The following CCL26 variants were observed in gnomAD, a reference collection of about 807,000 sequenced individuals.
CCL26 encodes the protein C-C motif chemokine 26.
Under a neutral mutation model 10.7 loss-of-function variants are expected in CCL26, and 10 were observed. The observed-to-expected ratio is 0.93, with a 90% CI of 0.57 to 1.58. The LOEUF (loss-of-function observed/expected upper bound fraction) is 1.58. Among genes scored for constraint, CCL26 ranks in the 40% most tolerant of loss-of-function variants. The probability of loss-of-function intolerance (pLI) is 0.00; values close to 1 mark genes in which losing one functional copy is unlikely to be tolerated. For missense variants in CCL26, 116 were observed against 111.0 expected, an observed-to-expected ratio of 1.05 and a Z score of -0.20; for synonymous variants, 43 against 41.4, an observed-to-expected ratio of 1.04 and a Z score of -0.15.
intron 1 of CCL26, among the ~76,000 whole-genome samples, chr7:75,785,251 C>T (rs1395945871): frequency 1.3e-5 from 2 of 152,134 alleles, no homozygotes; most frequent in African/African-American, 4.8e-5. Context: ...CCCTGACACC[C>T]ATCAGTCCCC....
chr7:75,778,717 C>T (rs1354958804), intron 1 of CCL26, among the ~76,000 whole-genome samples: 1 of 151,070 alleles, frequency 6.6e-6, no homozygotes, highest in East Asian at 1.9e-4. Context: ...ACCTCTGCTT[C>T]CCAGGCTCAA....
chr7:75,778,569 T>A lies in CCL26; in HGVS notation c.-78-6315A>T, dbSNP rs547025237. Among the ~76,000 whole-genome samples the A allele has an allele frequency of 3.2e-4, 46 of 143,344 alleles. 1 individual carries two copies. The East Asian group carries it at 3.3e-3, about 10-fold the overall frequency. The allele number at this position is 143,344 out of a possible 152,430, so 94.0% of individuals were successfully genotyped here. On this transcript the variant is annotated intron_variant, in intron 1 of 3. Coordinates refer to the CCL26 transcript ENST00000394905. ...TAGTGATGTTGAGCATTTTTTTTTT[T>A]AATGTACCTGGTGGTCATTCGTATG...
In CCL26 at chr7:75,769,694, C is replaced by A; in HGVS notation, c.284G>T (p.Ter95LeuextTer3). ...TCCTCGGATGAAAATTCAGCTGAGT[C>A]ACAATTGTTTCGGAGTTTTCAGTAA... is the stretch of plus-strand genomic sequence containing the variant. ...ISLLKTPKQL* is the reference protein window; with the variant it reads ...ISLLKTPKQLL Residue 95 changes from the stop codon to leucine, a stop_lost, in exon 3 of 3, where the codon TGA (stop) becomes TTA (leucine). Transcript: ENST00000005180. The A allele has an allele frequency of 6.2e-7, 1 of 1,602,032 alleles. No homozygotes were observed. Among genetic ancestry groups the A allele is most frequent in the South Asian group, 1.1e-5 (1 of 90,864 alleles).
chr7:75,790,218 T>TCTTTCTTTCTTCCTTCCTTCCTTC, upstream of CCL26, among the ~76,000 whole-genome samples: 1 of 66,858 alleles, frequency 1.5e-5, no homozygotes, highest in South Asian at 7.0e-4. Context: ...TTTCTTTCTT[T>TCTTTCTTTCTTCCTTCCTTCCTTC]CTTCCTTCCT....
chr7:75,777,244 AC>A (rs1387705744), intron 1 of CCL26, among the ~76,000 whole-genome samples: 3 of 152,150 alleles, frequency 2.0e-5, no homozygotes, highest in Admixed American at 6.6e-5. Flanking sequence ...AAAAACAAAA[AC>A]AAAAACGTGT....
intron 1 of CCL26, among the ~76,000 whole-genome samples, chr7:75,785,547 G>A (rs1368354158): frequency 6.6e-6 from 1 of 152,066 alleles, no homozygotes; most frequent in Non-Finnish European, 1.5e-5. Flanking sequence ...AAACACACGT[G>A]CTCTCCCTGT....
At chr7:75,781,233 A>G (rs1554529416) in intron 1 of CCL26, among the ~76,000 whole-genome samples, 1 of 152,258 alleles carries the variant, frequency 6.6e-6, no homozygotes, top group Admixed American at 6.5e-5. Flanking sequence ...ACAGGACTTA[A>G]TTAACCTTGC....
upstream of CCL26, among the ~76,000 whole-genome samples, chr7:75,776,462 G>A (rs149397550): frequency 0.01 from 1,561 of 150,790 alleles, 28 homozygotes; most frequent in African/African-American, 0.035. Context: ...GATCGCTTGA[G>A]GCCAGGAGGT....
chr7:75,769,881 T>C (rs1802784905), intron 2 of CCL26, 92 bp from the exon 3 acceptor site: 2 of 762,624 alleles, frequency 2.6e-6, no homozygotes, highest in Non-Finnish European at 4.6e-6. Flanking sequence ...CTCTCACTAG[T>C]CTTCTGGCCT....
upstream of CCL26, among the ~76,000 whole-genome samples, chr7:75,772,529 C>G (rs1170953179): frequency 6.6e-6 from 1 of 151,706 alleles, no homozygotes; most frequent in East Asian, 1.9e-4. Flanking sequence ...TGGTGGCAGG[C>G]AACTGTAATC....
chr7:75,789,359 C>T lies in CCL26; in HGVS notation c.-79+358G>A, dbSNP rs1015028415. On this transcript the variant is annotated intron_variant, in intron 1 of 3. Transcript: ENST00000394905. Reference sequence around the variant, plus strand: ...CAGTTAAGGAAATGTAATATGGGAGCCATGGCCTCCCTACGTTCTCTCCCT... The same window carrying T: ...CAGTTAAGGAAATGTAATATGGGAGTCATGGCCTCCCTACGTTCTCTCCCT... Among the ~76,000 whole-genome samples the T allele has an allele frequency of 3.3e-5, 5 of 152,006 alleles. No individual in the cohort carries two copies. In the East Asian group the frequency reaches 9.6e-4, roughly 29 times the overall value.
intron 1 of CCL26, among the ~76,000 whole-genome samples, chr7:75,780,924 C>T (rs1199852594): frequency 1.3e-5 from 2 of 152,194 alleles, no homozygotes; most frequent in Non-Finnish European, 2.9e-5. Flanking sequence ...TAGCCCTCCC[C>T]CACCTGCCCA....
At chr7:75,780,193 G>A (rs1420997527) in intron 1 of CCL26, among the ~76,000 whole-genome samples, 8 of 150,434 alleles carry the variant, frequency 5.3e-5, no homozygotes, top group Admixed American at 5.3e-4. Flanking sequence ...CTTTCCTGGG[G>A]GGCAAGCACC....
At chr7:75,785,175 A>G (rs1455257255) in intron 1 of CCL26, among the ~76,000 whole-genome samples, 1 of 152,028 alleles carries the variant, frequency 6.6e-6, no homozygotes. Context: ...TTGATCTTAA[A>G]GATGCTTTTT....
intron 1 of CCL26, among the ~76,000 whole-genome samples, chr7:75,783,415 C>T (rs945606471): frequency 2.0e-5 from 3 of 152,094 alleles, no homozygotes; most frequent in Admixed American, 2.0e-4. Flanking sequence ...AGGCTGATTC[C>T]CCAGGTATAG....
intron 2 of CCL26, among the ~76,000 whole-genome samples, chr7:75,770,354 G>A (rs1554527954): frequency 6.6e-6 from 1 of 152,064 alleles, no homozygotes; most frequent in Non-Finnish European, 1.5e-5. Context: ...ACAGGTGTGA[G>A]CCACCACGCC....
At chr7:75,776,909 A>G (rs1209851237), upstream of CCL26, among the ~76,000 whole-genome samples, 2 of 152,104 alleles carry the variant, frequency 1.3e-5, no homozygotes, top group Middle Eastern at 3.2e-3. Context: ...TAATCGAGCA[A>G]TTCCACTCCT....
upstream of CCL26, chr7:75,772,337 A>C: frequency 1.6e-6 from 1 of 616,698 alleles, no homozygotes; most frequent in Non-Finnish European, 2.9e-6. Flanking sequence ...ACTAATACTC[A>C]TAGGAATGAA....
At chr7:75,776,527 AG>A (rs1802943918), upstream of CCL26, among the ~76,000 whole-genome samples, 1 of 45,820 alleles carries the variant, frequency 2.2e-5, no homozygotes, top group African/African-American at 6.8e-5. Flanking sequence ...GAAGGAAGGA[AG>A]GAAGGAAGGA....
Sources: allele counts gnomAD v4.1 joint callset (sites outside exome capture counted in the v4.1 genomes callset), GRCh38; gene constraint gnomAD v4.1.1; transcripts MANE v1.5; gene names NCBI Gene and HGNC (gene_info 2026-07-23, HGNC 2026-07-21).